Variants in PXDN observed in about 807,000 individuals in gnomAD.
The protein encoded by PXDN is peroxidasin, also known as peroxidasin homolog.
In PXDN, 77 loss-of-function variants were observed where a neutral mutation model predicts 140.3. The observed-to-expected ratio is 0.55, with a 90% CI of 0.46 to 0.66. The LOEUF (loss-of-function observed/expected upper bound fraction) is 0.66. PXDN is among the 30% of genes least tolerant of loss of function. The probability of loss-of-function intolerance (pLI) is 0.00; values close to 1 mark genes in which losing one functional copy is unlikely to be tolerated. For missense variants in PXDN, 1,838 were observed against 2,039.5 expected, an observed-to-expected ratio of 0.90 and a Z score of 1.90; for synonymous variants, 911 against 857.4, an observed-to-expected ratio of 1.06 and a Z score of -1.09.
At chr2:1,716,001 ATT>A (rs1684885354) in intron 1 of PXDN, among the ~76,000 whole-genome samples, 1 of 152,146 alleles carries the variant, frequency 6.6e-6, no homozygotes, top group Admixed American at 6.5e-5. Flanking sequence ...GTCTTTTCTA[ATT>A]TGACGGCAGG....
At chr2:1,734,695 C>T (rs904969132) in intron 1 of PXDN, among the ~76,000 whole-genome samples, 6 of 152,090 alleles carry the variant, frequency 3.9e-5, no homozygotes, top group African/African-American at 1.2e-4. Context: ...GGTGAAACCC[C>T]GTCTCTCCTA....
intron 14 of PXDN, among the ~76,000 whole-genome samples, chr2:1,656,812 C>T (rs1572132024): frequency 6.6e-6 from 1 of 150,488 alleles, no homozygotes; most frequent in South Asian, 2.1e-4. Context: ...AAGCATGCCC[C>T]CTTTGGACAG....
At chr2:1,679,004 C>T (rs950436004) in intron 7 of PXDN, among the ~76,000 whole-genome samples, 1 of 151,986 alleles carries the variant, frequency 6.6e-6, no homozygotes, top group African/African-American at 2.4e-5. Flanking sequence ...AAAAAAAAAA[C>T]TGTGTATTTT....
intron 14 of PXDN, among the ~76,000 whole-genome samples, chr2:1,658,072 CTCTCTCTCT>C (rs772070902): frequency 0.14 from 13,312 of 95,538 alleles, 3,651 homozygotes; most frequent in Non-Finnish European, 0.17. Flanking sequence ...CTCTCTCTCT[CTCTCTCTCT>C]CTCTCTCTCT....
In PXDN at chr2:1,648,644, T is replaced by C; in HGVS notation, c.3136A>G (p.Thr1046Ala). 1.2e-6 allele frequency: 2 copies of C among 1,610,894 alleles called. No homozygotes were observed. Among genetic ancestry groups the C allele is most frequent in the Non-Finnish European group, 1.7e-6 (2 of 1,178,950 alleles). Residue 1046 changes from threonine to alanine, a missense_variant, in exon 17 of 23, where the codon ACG becomes GCG. By Grantham distance (58) the Thr-to-Ala change is moderately conservative. Around this residue, in one of 5 missense-constraint regions of PXDN, gnomAD observed 850 missense variants for 894.1 expected, o/e 0.95. Transcript: ENST00000252804. The surrounding 1 kb of genome is among the most constrained non-coding windows in gnomAD (Gnocchi z 8.9). ...PKILGEVGMR[T>A]LGEYHGYDPG... ...TCGTAGCCGTGGTACTCTCCCAGCG[T>C]CCTCATGCCCACCTCCCCCAGGATC...
chr2:1,670,402 T>G (rs552211529), intron 9 of PXDN, among the ~76,000 whole-genome samples: 1 of 152,282 alleles, frequency 6.6e-6, no homozygotes, highest in Admixed American at 6.5e-5. Flanking sequence ...ATGCTTACAT[T>G]TTTTTGTATA....
rs574336980 is a variant in PXDN, at chr2:1,692,490, G to T, written c.273-491C>A. On this transcript the variant is annotated intron_variant, in intron 2 of 22. Coordinates refer to ENST00000252804, the MANE Select transcript of PXDN (RefSeq NM_012293.3). ...CTCCAGGGTCAACAGTGGATAGGCG[G>T]CCCAGACAGTCCCACAGTCCCCATG... 6.4e-6 allele frequency: 3 copies of T among 471,528 alleles called. No individual in the cohort carries two copies. In the Admixed American group the frequency reaches 7.0e-5, roughly 11 times the overall value. The allele number at this position is 471,528 out of a possible 1,614,324, so 29.2% of individuals were successfully genotyped here.
intron 1 of PXDN, among the ~76,000 whole-genome samples, chr2:1,697,722 C>T (rs1364327293): frequency 2.6e-5 from 4 of 152,200 alleles, no homozygotes; most frequent in African/African-American, 9.7e-5. Context: ...CCTGCAGTGA[C>T]GTCTCCCCAG....
chr2:1,664,875 G>A (rs1683394748), intron 11 of PXDN, 83 bp downstream of exon 11: 1 of 1,191,326 alleles, frequency 8.4e-7, no homozygotes, highest in Non-Finnish European at 1.2e-6. Context: ...AACACGCTGG[G>A]GTTGCCTGGG....
chr2:1,638,340 T>C (rs895968890), intron 21 of PXDN, among the ~76,000 whole-genome samples: 1 of 152,092 alleles, frequency 6.6e-6, no homozygotes, highest in Non-Finnish European at 1.5e-5. Flanking sequence ...ACAGAACTCA[T>C]TTCCACAGAG....
chr2:1,676,666 G>C, intron 8 of PXDN: 1 of 515,492 alleles, frequency 1.9e-6, no homozygotes, highest in East Asian at 3.3e-5. Flanking sequence ...GGGAAGGGCC[G>C]CAGTGACGCG....
At chr2:1,738,527 A>G (rs1685468082) in intron 1 of PXDN, among the ~76,000 whole-genome samples, 1 of 151,174 alleles carries the variant, frequency 6.6e-6, no homozygotes, top group Admixed American at 6.7e-5. Flanking sequence ...AATGGGAATC[A>G]GCATAATGCA....
intron 1 of PXDN, among the ~76,000 whole-genome samples, chr2:1,742,387 A>C (rs1471472987): frequency 6.6e-6 from 1 of 152,242 alleles, no homozygotes; most frequent in Non-Finnish European, 1.5e-5. Flanking sequence ...AAATGGATGC[A>C]AATGTACCCT....
At chr2:1,666,012 C>A (rs1335198860) in intron 10 of PXDN, among the ~76,000 whole-genome samples, 4 of 152,246 alleles carry the variant, frequency 2.6e-5, no homozygotes, top group African/African-American at 9.6e-5. Flanking sequence ...AGAGCCCATA[C>A]TACAGAGCCT....
chr2:1,739,646 G>A (rs1043311195), intron 1 of PXDN, among the ~76,000 whole-genome samples: 1 of 152,092 alleles, frequency 6.6e-6, no homozygotes, highest in Admixed American at 6.5e-5. Flanking sequence ...ATGGCAAACT[G>A]GACATCCCAG....
intron 7 of PXDN, 73 bp from the exon 8 acceptor site, chr2:1,677,117 A>T (rs932124309): frequency 2.2e-6 from 3 of 1,337,164 alleles, no homozygotes; most frequent in Non-Finnish European, 3.1e-6. Flanking sequence ...ACACACGCTG[A>T]GTTCTCTGTG....
chr2:1,638,953 T>C lies in PXDN; in HGVS notation c.4099A>G (p.Ser1367Gly). 15 of 1,613,936 alleles carry C rather than the reference T, an allele frequency of 9.3e-6. No homozygotes were observed. Among genetic ancestry groups the C allele is most frequent in the Non-Finnish European group, 1.3e-5 (15 of 1,179,844 alleles). The change falls in exon 21 of 23, where the codon AGC becomes GGC. Residue 1367 changes from serine (S) to glycine (G), a missense_variant. Around this residue, in one of 5 missense-constraint regions of PXDN, gnomAD observed 850 missense variants for 894.1 expected, o/e 0.95. Transcript: ENST00000252804. The part of the protein sequence containing the change: ...PSVGRQGEHL[S>G]NSTSAFSTRS... ...GTGCTGAAGGCTGAGGTGCTGTTGC[T>C]GAGATGTTCCCCCTGTCTCCCAACA...
At chr2:1,663,258 T>C (rs1683348044) in intron 12 of PXDN, among the ~76,000 whole-genome samples, 1 of 152,160 alleles carries the variant, frequency 6.6e-6, no homozygotes. Flanking sequence ...GTTACTTAAA[T>C]AACCACCCCA....
chr2:1,731,379 T>C (rs951270042), intron 1 of PXDN, among the ~76,000 whole-genome samples: 3 of 149,554 alleles, frequency 2.0e-5, no homozygotes, highest in Admixed American at 6.7e-5. Flanking sequence ...CCCTTGCATC[T>C]GGGTTGAGAC....
Sources: allele counts gnomAD v4.1 joint callset (sites outside exome capture counted in the v4.1 genomes callset), GRCh38; gene constraint gnomAD v4.1.1; regional missense constraint gnomAD v4.1.1; non-coding constraint Gnocchi (gnomAD v3.1); transcripts MANE v1.5; gene names NCBI Gene and HGNC (gene_info 2026-07-23, HGNC 2026-07-21).